RANGAP1: variants seen among roughly 807,000 people sequenced by gnomAD.
RANGAP1 encodes the protein Ran GTPase activating protein 1, also known as ran GTPase-activating protein 1.
In RANGAP1, 38 loss-of-function variants were observed where a neutral mutation model predicts 63.5. The ratio of observed to expected loss-of-function variants is 0.60; its 90% CI spans 0.46 to 0.78. RANGAP1 has a LOEUF of 0.78. Ranked by LOEUF, RANGAP1 falls within the 30% of genes least tolerant of loss-of-function variation. RANGAP1 has a pLI of 0.00. For missense variants in RANGAP1, 630 were observed against 740.3 expected, an observed-to-expected ratio of 0.85 and a Z score of 1.73; for synonymous variants, 329 against 310.5, an observed-to-expected ratio of 1.06 and a Z score of -0.63.
chr22:41,285,670 T>G, intron 1 of RANGAP1: 1 of 985,288 alleles, frequency 1.0e-6, no homozygotes. Flanking sequence ...AGGAGCCCCA[T>G]CTGGAATCCC....
chr22:41,278,646 G>A (rs1326591047), intron 2 of RANGAP1, among the ~76,000 whole-genome samples: 2 of 152,220 alleles, frequency 1.3e-5, no homozygotes, highest in African/African-American at 4.8e-5. Context: ...TTTATCAAAT[G>A]TGTGACCTTG....
chr22:41,281,132 G>C, intron 1 of RANGAP1, 50 bp from the exon 2 acceptor site: 3 of 1,475,718 alleles, frequency 2.0e-6, no homozygotes, highest in East Asian at 2.3e-5. Flanking sequence ...TGGGGCCCCT[G>C]GTTGGGGGCA....
intron 15 of RANGAP1, among the ~76,000 whole-genome samples, chr22:41,247,990 C>T (rs1465391879): frequency 2.6e-5 from 4 of 152,190 alleles, no homozygotes; most frequent in African/African-American, 9.7e-5. Context: ...CATGCCCAGG[C>T]TTAGGATAGC....
rs913769544 is a variant in RANGAP1 at position 41,246,527 on chromosome 22, G to A, written c.*76C>T. The A allele has an allele frequency of 9.0e-6, 13 of 1,436,672 alleles. No individual in the cohort carries two copies. Among genetic ancestry groups the A allele is most frequent in the East Asian group, 5.0e-5 (2 of 40,130 alleles). 89.0% of individuals were successfully genotyped at this position (1,436,672 alleles called of 1,614,324 possible). On this transcript the variant is annotated 3_prime_UTR_variant, in exon 16 of 16. Transcript: ENST00000356244. ...CCAGAGTCCTGTCCAAGGCAATGGC[G>A]TAGGCTGCGCCTCAGTTCATCCGAG...
intron 3 of RANGAP1, among the ~76,000 whole-genome samples, chr22:41,273,212 A>T (rs1338798711): frequency 1.3e-5 from 2 of 152,176 alleles, no homozygotes; most frequent in African/African-American, 4.8e-5. Context: ...AGAAGAGCCC[A>T]GCCCAACCCC....
At chr22:41,248,504 G>A (rs932751519) in intron 15 of RANGAP1, among the ~76,000 whole-genome samples, 1 of 152,234 alleles carries the variant, frequency 6.6e-6, no homozygotes, top group South Asian at 2.1e-4. Flanking sequence ...CTCAGCTGGT[G>A]GGCTCTGGGC....
chr22:41,276,109 T>C (rs1332153915), intron 2 of RANGAP1, among the ~76,000 whole-genome samples: 1 of 152,190 alleles, frequency 6.6e-6, no homozygotes, highest in Non-Finnish European at 1.5e-5. Flanking sequence ...AAAAATTAGG[T>C]TACTCAAGCA....
rs931892931 is a variant in RANGAP1 at position 41,253,753 on chromosome 22, T to C, written c.1260+555A>G. ...AAACCCTTATGCATATCTTATAATA[T>C]ACATAATGCAGCAGCACTGCTACCT... On this transcript the variant is annotated intron_variant, in intron 11 of 15. Transcript: ENST00000356244. Among the ~76,000 whole-genome samples, 6 of 152,232 alleles carry C rather than the reference T, an allele frequency of 3.9e-5. No homozygotes were observed. The East Asian group carries it at 1.2e-3, about 29-fold the overall frequency.
At chr22:41,285,622 C>T (rs1250933336) in intron 1 of RANGAP1, 5 of 985,304 alleles carry the variant, frequency 5.1e-6, no homozygotes, top group Non-Finnish European at 6.0e-6. Context: ...GCGGGAGCGA[C>T]GCGCGAATAC....
rs550783517 is a variant in RANGAP1, at chr22:41,284,693, G to A, written c.-39+1293C>T. On this transcript the variant is annotated intron_variant, in intron 1 of 15. Transcript: ENST00000356244. ...TAGAAACCAGCCTGGGCAGTATGCCGAAACCCTGTCTCCACTAAAAATACA... is the reference window on the plus strand; with the variant it reads ...TAGAAACCAGCCTGGGCAGTATGCCAAAACCCTGTCTCCACTAAAAATACA... Among the ~76,000 whole-genome samples, 6 of 152,268 alleles carry A rather than the reference G, an allele frequency of 3.9e-5. No homozygotes were observed. In the South Asian group the frequency reaches 8.3e-4, roughly 21 times the overall value.
intron 2 of RANGAP1, among the ~76,000 whole-genome samples, chr22:41,278,956 C>T (rs189697957): frequency 1.3e-5 from 2 of 151,954 alleles, no homozygotes; most frequent in Non-Finnish European, 2.9e-5. Flanking sequence ...GGCTAACTAA[C>T]ACGGTGAAAC....
intron 3 of RANGAP1, 151 bp downstream of exon 3, chr22:41,274,449 G>C: frequency 8.6e-7 from 1 of 1,164,100 alleles, no homozygotes; most frequent in Non-Finnish European, 1.2e-6. Context: ...CCAATGCTGT[G>C]TGCCCTGGGG....
In RANGAP1 at chr22:41,258,020, G is replaced by A; in HGVS notation, c.702C>T (p.Val234=). The change falls in exon 7 of 16, where the codon GTC becomes GTT. Residue 234 remains valine, a synonymous_variant. Transcript: ENST00000356244. ...GITALAQAFA[V]NPLLRVINLN... is the part of the protein sequence containing the mutation. Reference sequence around the variant, plus strand: ...GGTTGATGACCCGCAGCAGGGGGTTGACAGCGAAAGCCTGGGCCAGGGCAG... The same window carrying A: ...GGTTGATGACCCGCAGCAGGGGGTTAACAGCGAAAGCCTGGGCCAGGGCAG... The A allele has an allele frequency of 1.2e-6, 2 of 1,613,302 alleles. No individual in the cohort carries two copies. Among genetic ancestry groups the A allele is most frequent in the Non-Finnish European group, 8.5e-7 (1 of 1,179,572 alleles).
chr22:41,250,337 G>A (rs1476008083), intron 13 of RANGAP1, among the ~76,000 whole-genome samples: 1 of 152,204 alleles, frequency 6.6e-6, no homozygotes, highest in Non-Finnish European at 1.5e-5. Context: ...TCGACGCCAC[G>A]CCGGGAAGAG....
At chr22:41,288,805 G>A (rs563299961), upstream of RANGAP1, among the ~76,000 whole-genome samples, 71 of 151,758 alleles carry the variant, frequency 4.7e-4, 1 homozygote, top group South Asian at 0.013. Context: ...TGGGGCTTGG[G>A]GGGAGTTAGA....
intron 7 of RANGAP1, 65 bp from the exon 8 acceptor site, chr22:41,256,889 C>T (rs1365558412): frequency 8.8e-6 from 12 of 1,366,164 alleles, no homozygotes; most frequent in African/African-American, 2.9e-5. Context: ...CAGCAAGCCC[C>T]GGGGGCCCCA....
rs768691544 is a variant in RANGAP1, at chr22:41,246,595, C to T, written c.*8G>A. On this transcript the variant is annotated 3_prime_UTR_variant, in exon 16 of 16. Coordinates refer to ENST00000356244, the MANE Select transcript of RANGAP1 (RefSeq NM_002883.4). ...GGTCCAGGCCAAGGGATGGGAGAGG[C>T]TTTGAGTCTAGACCTTGTACAGCGT... 2 of 1,556,826 alleles carry T rather than the reference C, an allele frequency of 1.3e-6. No homozygotes were observed. Among genetic ancestry groups the T allele is most frequent in the Admixed American group, 3.8e-5 (2 of 53,052 alleles).
intron 3 of RANGAP1, among the ~76,000 whole-genome samples, chr22:41,268,383 G>A (rs1033807309): frequency 1.3e-5 from 2 of 152,106 alleles, no homozygotes; most frequent in Admixed American, 1.3e-4. Flanking sequence ...AGCCTCCGGA[G>A]TAGCTGGGAT....
chr22:41,258,198 T>G (rs1204449381), intron 6 of RANGAP1, 92 bp from the exon 7 acceptor site: 1 of 1,415,368 alleles, frequency 7.1e-7, no homozygotes, highest in African/African-American at 1.4e-5. Context: ...GGCACAGGAA[T>G]GGGCTGCCGC....
Sources: allele counts gnomAD v4.1 joint callset (sites outside exome capture counted in the v4.1 genomes callset), GRCh38; gene constraint gnomAD v4.1.1; transcripts MANE v1.5; gene names NCBI Gene and HGNC (gene_info 2026-07-23, HGNC 2026-07-21).